The following LHFPL3 variants were observed in gnomAD, a reference collection of about 807,000 sequenced individuals.
The protein encoded by LHFPL3 is LHFPL tetraspan subfamily member 3 protein.
LHFPL3 carries 5 observed loss-of-function variants against 19.3 expected under a neutral mutation model. The ratio of observed to expected loss-of-function variants is 0.26; its 90% CI spans 0.14 to 0.54. LHFPL3 has a LOEUF of 0.54. Ranked by LOEUF, LHFPL3 falls within the 20% of genes least tolerant of loss-of-function variation. LHFPL3 has a pLI of 0.94. For missense variants in LHFPL3, 249 were observed against 307.4 expected (o/e 0.81, Z 1.42); for synonymous variants, 133 against 126.2 (o/e 1.05, Z -0.36).
intron 1 of LHFPL3, among the ~76,000 whole-genome samples, chr7:104,479,430 C>T (rs1035137383): frequency 1.3e-5 from 2 of 150,944 alleles, no homozygotes; most frequent in Non-Finnish European, 2.9e-5. Flanking sequence ...CTCACTCTGT[C>T]ACCCACGTTG....
chr7:104,677,782 G>A (rs1179416254), intron 1 of LHFPL3, among the ~76,000 whole-genome samples: 3 of 152,294 alleles, frequency 2.0e-5, no homozygotes, highest in South Asian at 4.1e-4. Flanking sequence ...TAATGAGTAA[G>A]CACAAAAATT....
intron 1 of LHFPL3, among the ~76,000 whole-genome samples, chr7:104,342,059 TG>T (rs997628176): frequency 2.0e-5 from 3 of 152,244 alleles, no homozygotes; most frequent in African/African-American, 7.2e-5. Flanking sequence ...GAGAAGCTGC[TG>T]TGACTTCCAA....
chr7:104,413,172 C>T (rs1007345465), intron 1 of LHFPL3, among the ~76,000 whole-genome samples: 2 of 152,194 alleles, frequency 1.3e-5, no homozygotes, highest in Non-Finnish European at 2.9e-5. Flanking sequence ...CGTGCAGGCT[C>T]CTTCCCTGTC....
chr7:104,503,249 C>G (rs1562918180), intron 1 of LHFPL3, among the ~76,000 whole-genome samples: 1 of 151,900 alleles, frequency 6.6e-6, no homozygotes, highest in African/African-American at 2.4e-5. Flanking sequence ...GGTTAAAAAG[C>G]AGAATGAACA....
chr7:104,541,074 C>T (rs1794475946), intron 1 of LHFPL3, among the ~76,000 whole-genome samples: 1 of 147,798 alleles, frequency 6.8e-6, no homozygotes, highest in African/African-American at 2.5e-5. Context: ...TATGCTTCTG[C>T]TTATTTTCCA....
At chr7:104,772,334 G>T (rs1368832341) in intron 2 of LHFPL3, among the ~76,000 whole-genome samples, 1 of 152,140 alleles carries the variant, frequency 6.6e-6, no homozygotes, top group Admixed American at 6.5e-5. Context: ...TTAGTTAATG[G>T]CTCAGTGATT....
At chr7:104,607,023 C>T (rs538621607) in intron 1 of LHFPL3, among the ~76,000 whole-genome samples, 13 of 152,302 alleles carry the variant, frequency 8.5e-5, no homozygotes, top group African/African-American at 3.1e-4. Context: ...GGCAAGGTCT[C>T]AAACCTTATG....
At position 104,508,893 on chromosome 7, in the gene LHFPL3, C is replaced by T. The variant is rs139234154; in HGVS notation, c.445+179669C>T. Among the ~76,000 whole-genome samples, 217 of 151,562 alleles carry T rather than the reference C, an allele frequency of 1.4e-3. 3 individuals are homozygous for T. Among genetic ancestry groups the T allele is most frequent in the African/African-American group, 4.4e-3 (180 of 41,344 alleles). On this transcript the variant is annotated intron_variant, in intron 1 of 2. Transcript: ENST00000424859. ...AGATGACAAAAGTAGAGAGGAGAAACAAATCAATATCAACAATGAAATAGG... is the reference window on the plus strand; with the variant it reads ...AGATGACAAAAGTAGAGAGGAGAAATAAATCAATATCAACAATGAAATAGG...
intron 1 of LHFPL3, among the ~76,000 whole-genome samples, chr7:104,416,916 C>A (rs181207916): frequency 5.9e-5 from 9 of 152,290 alleles, no homozygotes; most frequent in African/African-American, 1.7e-4. Context: ...GGGAAGAGAG[C>A]AGGAGGAGGC....
Position 104,592,412 on chromosome 7 carries a change from A to G in LHFPL3, c.446-144263A>G, listed in dbSNP as rs565925834. Reference sequence around the variant, plus strand: ...CACTCCAGACCCTGTTTGCCTGGGTATCACCAGCGGAGGCTGCAGAACAGC... The same window carrying G: ...CACTCCAGACCCTGTTTGCCTGGGTGTCACCAGCGGAGGCTGCAGAACAGC... On this transcript the variant is annotated intron_variant, in intron 1 of 2. Coordinates refer to ENST00000424859, the MANE Select transcript of LHFPL3 (RefSeq NM_199000.3). 2.5e-4 allele frequency among the ~76,000 whole-genome samples: 5 copies of G among 19,682 alleles called. No homozygotes were observed. In the South Asian group the frequency reaches 9.3e-3, roughly 36 times the overall value. The allele number at this position is 19,682 out of a possible 152,430, so 12.9% of individuals were successfully genotyped here. A position where few individuals can be genotyped will look rare whatever the true frequency, so the allele number is the denominator to read the frequency against.
intron 2 of LHFPL3, among the ~76,000 whole-genome samples, chr7:104,867,201 G>A (rs1252939450): frequency 6.6e-6 from 1 of 152,124 alleles, no homozygotes; most frequent in East Asian, 1.9e-4. Flanking sequence ...TCAAAAGCTA[G>A]CAGAAGGCAA....
At chr7:104,346,040 C>CT (rs35726797) in intron 1 of LHFPL3, among the ~76,000 whole-genome samples, 268 of 140,382 alleles carry the variant, frequency 1.9e-3, no homozygotes, top group Non-Finnish European at 2.0e-3. Flanking sequence ...TTTATTCCTT[C>CT]TTTTTTTTTT....
In LHFPL3 at chr7:104,869,192, G is replaced by T. The variant is rs558944348; in HGVS notation, c.683-36995G>T. ...ACACAGGCATGGGCAAGGACTTCAT[G>T]TCTAAAACACCAAAAGCAATGGCAA... On this transcript the variant is annotated intron_variant, in intron 2 of 2. Transcript: ENST00000424859. Among the ~76,000 whole-genome samples, 3 of 152,306 alleles carry T rather than the reference G, an allele frequency of 2.0e-5. No homozygotes were observed. In the South Asian group the frequency reaches 6.2e-4, roughly 32 times the overall value.
intron 1 of LHFPL3, among the ~76,000 whole-genome samples, chr7:104,433,970 T>C (rs1792050161): frequency 6.6e-6 from 1 of 152,250 alleles, no homozygotes; most frequent in Admixed American, 6.5e-5. Context: ...ATGGACTTTA[T>C]ATTATCTTAC....
At chr7:104,639,709 T>A (rs1380025472) in intron 1 of LHFPL3, among the ~76,000 whole-genome samples, 2 of 152,200 alleles carry the variant, frequency 1.3e-5, no homozygotes. Flanking sequence ...CAGACTATGG[T>A]TTGGCTCTTG....
intron 2 of LHFPL3, among the ~76,000 whole-genome samples, chr7:104,824,583 A>ATATATATAATTATATAT (rs1790774652): frequency 4.0e-5 from 3 of 75,560 alleles, no homozygotes; most frequent in Middle Eastern, 0.017. Flanking sequence ...TTTATATATA[A>ATATATATAATTATATAT]TATATATAAT....
At chr7:104,663,583 T>C (rs113832531) in intron 1 of LHFPL3, among the ~76,000 whole-genome samples, 2,528 of 152,370 alleles carry the variant, frequency 0.017, 31 homozygotes, top group Admixed American at 0.023. Flanking sequence ...AAGACTCATA[T>C]GCCCTGCTAG....
chr7:104,518,973 A>G (rs2115799932), intron 1 of LHFPL3, among the ~76,000 whole-genome samples: 1 of 152,236 alleles, frequency 6.6e-6, no homozygotes, highest in Admixed American at 6.5e-5. Context: ...TTCAAAAAGT[A>G]TTTTGGGGAG....
At chr7:104,546,682 T>C (rs1376402037) in intron 1 of LHFPL3, among the ~76,000 whole-genome samples, 1 of 152,200 alleles carries the variant, frequency 6.6e-6, no homozygotes, top group Non-Finnish European at 1.5e-5. Flanking sequence ...TATAGAGAGC[T>C]CACCACTTTC....
Sources: gnomAD v4.1 joint callset for allele counts (sites outside exome capture counted in the v4.1 genomes callset) on GRCh38, gnomAD v4.1.1 for gene constraint, MANE v1.5 for transcripts, NCBI Gene and HGNC (gene_info 2026-07-23, HGNC 2026-07-21) for gene names.